Variants in RETREG1 observed in about 807,000 individuals in gnomAD.
The protein encoded by RETREG1 is reticulophagy regulator 1, also known as family with sequence similarity 134 member B.
RETREG1 carries 44 observed loss-of-function variants against 54.8 expected under a neutral mutation model. The observed-to-expected ratio is 0.80, with a 90% CI of 0.63 to 1.03. RETREG1 has a LOEUF of 1.03. Among genes scored for constraint, RETREG1 ranks in the 50% least tolerant of loss-of-function variants. RETREG1 has a pLI of 0.00. For synonymous variants in RETREG1, 217 were observed against 238.5 expected (o/e 0.91, Z 0.83); for missense variants, 554 against 605.1 (o/e 0.92, Z 0.89).
At chr5:16,608,377 C>T (rs1743252949) in intron 1 of RETREG1, among the ~76,000 whole-genome samples, 2 of 152,184 alleles carry the variant, frequency 1.3e-5, no homozygotes, top group Non-Finnish European at 2.9e-5. Context: ...TGACAACATC[C>T]AGTGCTCATC....
intron 3 of RETREG1, among the ~76,000 whole-genome samples, chr5:16,558,645 G>A (rs1741775167): frequency 6.6e-6 from 1 of 152,166 alleles, no homozygotes; most frequent in Non-Finnish European, 1.5e-5. Flanking sequence ...AAGTTACAAG[G>A]TCCAGGTACA....
At chr5:16,528,710 G>T (rs572869326) in intron 3 of RETREG1, among the ~76,000 whole-genome samples, 1 of 152,180 alleles carries the variant, frequency 6.6e-6, no homozygotes, top group Non-Finnish European at 1.5e-5. Context: ...CTCCTTCAAA[G>T]CACCTGTCTG....
intron 3 of RETREG1, among the ~76,000 whole-genome samples, chr5:16,501,552 T>C (rs1390006823): frequency 3.3e-5 from 5 of 152,140 alleles, no homozygotes; most frequent in African/African-American, 9.7e-5. Flanking sequence ...TATTTATTTA[T>C]TTATTTTTGA....
At chr5:16,568,080 A>C (rs1371538706) in intron 2 of RETREG1, among the ~76,000 whole-genome samples, 2 of 152,126 alleles carry the variant, frequency 1.3e-5, no homozygotes, top group Non-Finnish European at 2.9e-5. Context: ...GGAGTTTTCC[A>C]GGCCATAGAA....
chr5:16,584,394 T>A (rs1345593649), intron 1 of RETREG1, among the ~76,000 whole-genome samples: 1 of 152,224 alleles, frequency 6.6e-6, no homozygotes, highest in African/African-American at 2.4e-5. Flanking sequence ...TAAATGTTCA[T>A]TAAATATTGA....
chr5:16,596,496 T>C (rs185846428), intron 1 of RETREG1, among the ~76,000 whole-genome samples: 66 of 152,338 alleles, frequency 4.3e-4, no homozygotes, highest in Non-Finnish European at 5.0e-4. Context: ...AAACCTAAAA[T>C]GTAAGCAGTA....
chr5:16,503,679 G>A (rs2434590), intron 3 of RETREG1, among the ~76,000 whole-genome samples: 32,866 of 95,712 alleles, frequency 0.34, 4,405 homozygotes, highest in Non-Finnish European at 0.4. Flanking sequence ...AAAAAAAAAA[G>A]AAAGAAAGAA....
At chr5:16,599,524 C>T (rs900951783) in intron 1 of RETREG1, among the ~76,000 whole-genome samples, 3 of 152,128 alleles carry the variant, frequency 2.0e-5, no homozygotes, top group Non-Finnish European at 2.9e-5. Context: ...AACTTGGATA[C>T]CTTGCCCAAA....
At chr5:16,610,628 A>T (rs1743315163) in intron 1 of RETREG1, among the ~76,000 whole-genome samples, 1 of 152,262 alleles carries the variant, frequency 6.6e-6, no homozygotes, top group Non-Finnish European at 1.5e-5. Flanking sequence ...AAAAGAAGAC[A>T]TTTATGCAGC....
chr5:16,516,658 C>A (rs746984925), intron 3 of RETREG1, among the ~76,000 whole-genome samples: 4 of 152,164 alleles, frequency 2.6e-5, no homozygotes, highest in Non-Finnish European at 5.9e-5. Flanking sequence ...CCCACTCTTG[C>A]CTCTAGTGTG....
At chr5:16,605,606 G>A (rs1743165809) in intron 1 of RETREG1, among the ~76,000 whole-genome samples, 1 of 152,246 alleles carries the variant, frequency 6.6e-6, no homozygotes, top group South Asian at 2.1e-4. Flanking sequence ...GCATTAGAGA[G>A]AGGGTGCTTA....
chr5:16,606,253 TG>T (rs1309730803), intron 1 of RETREG1, among the ~76,000 whole-genome samples: 2 of 152,148 alleles, frequency 1.3e-5, no homozygotes, highest in Non-Finnish European at 2.9e-5. Flanking sequence ...ATCGCCACAT[TG>T]GCTGCTCCAG....
At chr5:16,479,981 T>C (rs1322874598) in intron 5 of RETREG1, among the ~76,000 whole-genome samples, 2 of 152,062 alleles carry the variant, frequency 1.3e-5, no homozygotes, top group Non-Finnish European at 2.9e-5. Flanking sequence ...TGGTCATTGA[T>C]GTATAATAAA....
intron 3 of RETREG1, among the ~76,000 whole-genome samples, chr5:16,554,953 G>C (rs1005105436): frequency 1.3e-5 from 2 of 152,078 alleles, no homozygotes; most frequent in Non-Finnish European, 1.5e-5. Flanking sequence ...TCAAGTTCTT[G>C]TTCAAAAATC....
At chr5:16,512,492 A>G (rs558735191) in intron 3 of RETREG1, among the ~76,000 whole-genome samples, 4 of 152,230 alleles carry the variant, frequency 2.6e-5, no homozygotes, top group Non-Finnish European at 5.9e-5. Context: ...ATTTCATCAT[A>G]TAGTATGCCC....
At chr5:16,539,863 C>T (rs1220705165) in intron 3 of RETREG1, among the ~76,000 whole-genome samples, 2 of 152,192 alleles carry the variant, frequency 1.3e-5, no homozygotes, top group Non-Finnish European at 2.9e-5. Context: ...TCAAATATAA[C>T]TGAATTGAAT....
chr5:16,530,411 A>T (rs534138007), intron 3 of RETREG1, among the ~76,000 whole-genome samples: 28 of 152,322 alleles, frequency 1.8e-4, no homozygotes, highest in Middle Eastern at 3.4e-3. Context: ...CTGATCAGTA[A>T]AAGTGAGATA....
chr5:16,554,723 G>A (rs564827409), intron 3 of RETREG1, among the ~76,000 whole-genome samples: 6 of 152,150 alleles, frequency 3.9e-5, no homozygotes, highest in East Asian at 1.9e-4. Flanking sequence ...ATGATCTTTC[G>A]TGTCCCTATA....
chr5:16,551,519 A>G (rs1741541925), intron 3 of RETREG1, among the ~76,000 whole-genome samples: 1 of 152,060 alleles, frequency 6.6e-6, no homozygotes, highest in African/African-American at 2.4e-5. Context: ...CCCAGTAAGG[A>G]CATTCTCCCA....
Sources: gnomAD v4.1 joint callset for allele counts (sites outside exome capture counted in the v4.1 genomes callset) on GRCh38, gnomAD v4.1.1 for gene constraint, MANE v1.5 for transcripts, NCBI Gene and HGNC (gene_info 2026-07-23, HGNC 2026-07-21) for gene names.